The following B4GALT6 variants were observed in gnomAD, a reference collection of about 807,000 sequenced individuals.
B4GALT6 encodes beta-1,4-galactosyltransferase 6.
A neutral mutation model predicts 46.3 loss-of-function variants in B4GALT6; 14 were observed. The observed-to-expected ratio is 0.30, with a 90% CI of 0.20 to 0.47. The LOEUF (loss-of-function observed/expected upper bound fraction) is 0.47. Ranked by LOEUF, B4GALT6 falls within the 20% of genes least tolerant of loss-of-function variation. The pLI is 0.99. For missense variants in B4GALT6, 386 were observed against 480.1 expected, an observed-to-expected ratio of 0.80 and a Z score of 1.83; for synonymous variants, 168 against 162.0, an observed-to-expected ratio of 1.04 and a Z score of -0.28.
chr18:31,683,745 A>C (rs1567986765), intron 1 of B4GALT6, among the ~76,000 whole-genome samples: 3 of 152,174 alleles, frequency 2.0e-5, no homozygotes, highest in Non-Finnish European at 4.4e-5. Context: ...GCAGACTAAA[A>C]TAATGGAGCA....
At chr18:31,712,287 A>ACTTTTTT in the B4GALT6 span, among the ~76,000 whole-genome samples, 199 of 84,638 alleles carry the variant, frequency 2.4e-3, 20 homozygotes, top group African/African-American at 9.8e-3. Context: ...CTGGGACGTT[A>ACTTTTTT]TTTTTTTTTT....
In B4GALT6 at chr18:31,625,375, G is replaced by T; in HGVS notation, c.*239C>A. The T allele has an allele frequency of 2.5e-6, 1 of 403,340 alleles. No homozygotes were observed. Among genetic ancestry groups the T allele is most frequent in the Non-Finnish European group, 4.3e-6 (1 of 230,310 alleles). 25.0% of individuals were successfully genotyped at this position (403,340 alleles called of 1,614,324 possible). ...TTCGGAGGGAGCTCTCTTAACTTCC[G>T]ATCTTAAGTAGTGGCTTCCCGTTTC... On this transcript the variant is annotated 3_prime_UTR_variant, in exon 9 of 9. Transcript: ENST00000306851.
intron 1 of B4GALT6, among the ~76,000 whole-genome samples, chr18:31,673,298 C>T (rs76247464): frequency 0.043 from 6,498 of 151,814 alleles, 162 homozygotes; most frequent in East Asian, 0.1. Flanking sequence ...AGTGAAAGGA[C>T]GAGAAGTCAT....
At chr18:31,692,380 C>A in the B4GALT6 span, among the ~76,000 whole-genome samples, 1 of 152,116 alleles carries the variant, frequency 6.6e-6, no homozygotes, top group African/African-American at 2.4e-5. Context: ...TATAGTCAAC[C>A]CGATTTTACT....
intron 3 of B4GALT6, among the ~76,000 whole-genome samples, chr18:31,653,818 T>A (rs1038231221): frequency 6.6e-6 from 1 of 152,188 alleles, no homozygotes; most frequent in Non-Finnish European, 1.5e-5. Context: ...ATGACCACGT[T>A]CAGTCTTGTC....
At chr18:31,688,548 G>A (rs2030008601), upstream of B4GALT6, among the ~76,000 whole-genome samples, 1 of 152,096 alleles carries the variant, frequency 6.6e-6, no homozygotes, top group Non-Finnish European at 1.5e-5. Flanking sequence ...TGTAGTGGTA[G>A]CAGCCCTACT....
the B4GALT6 span, among the ~76,000 whole-genome samples, chr18:31,701,685 A>C: frequency 2.6e-5 from 4 of 152,312 alleles, no homozygotes; most frequent in African/African-American, 9.6e-5. Flanking sequence ...GAAAGTGTGA[A>C]TCTTTCTATT....
chr18:31,630,403 A>G (rs2073771466), intron 6 of B4GALT6, among the ~76,000 whole-genome samples: 1 of 146,024 alleles, frequency 6.8e-6, no homozygotes, highest in South Asian at 2.2e-4. Flanking sequence ...CAATTAGAGA[A>G]GGAAAAGATT....
Position 31,664,169 on chromosome 18 carries a change from C to G in B4GALT6, c.232+2087G>C, listed in dbSNP as rs180734601. Among the ~76,000 whole-genome samples the G allele has an allele frequency of 9.6e-3, 521 of 54,500 alleles. 4 individuals are homozygous for G. Among genetic ancestry groups the G allele is most frequent in the African/African-American group, 0.028 (418 of 15,038 alleles). The allele number at this position is 54,500 out of a possible 152,430, so 35.8% of individuals were successfully genotyped here. A position where few individuals can be genotyped will look rare whatever the true frequency, so the allele number is the denominator to read the frequency against. ...TACTGACCCAAGTTCAAACAGCAGC[C>G]ATCTTAGACTATGAGTTAACCATGG... On this transcript the variant is annotated intron_variant, in intron 2 of 8. Transcript: ENST00000306851.
At chr18:31,700,435 T>TTGTG in the B4GALT6 span, among the ~76,000 whole-genome samples, 2,303 of 139,544 alleles carry the variant, frequency 0.017, 21 homozygotes, top group Middle Eastern at 0.029. Context: ...AATTGACTAT[T>TTGTG]TGTGTGTGTG....
At chr18:31,631,211 T>TTTTTC (rs1555634393) in intron 5 of B4GALT6, 65 bp from the exon 6 acceptor site, 37 of 1,467,444 alleles carry the variant, frequency 2.5e-5, no homozygotes, top group Non-Finnish European at 3.0e-5. Context: ...TTTTTTTTTT[T>TTTTTC]TTTTCTTTTT....
chr18:31,719,782 C>T, the B4GALT6 span, among the ~76,000 whole-genome samples: 4 of 151,960 alleles, frequency 2.6e-5, no homozygotes, highest in African/African-American at 7.2e-5. Flanking sequence ...TTTCTCTTGC[C>T]GTCCTCTGCT....
intron 4 of B4GALT6, among the ~76,000 whole-genome samples, chr18:31,640,343 C>T (rs1173921859): frequency 6.6e-6 from 1 of 151,956 alleles, no homozygotes; most frequent in Non-Finnish European, 1.5e-5. Flanking sequence ...TATCATCAAA[C>T]GAAAATAATA....
chr18:31,670,057 C>CT (rs534836152), intron 1 of B4GALT6, among the ~76,000 whole-genome samples: 329 of 143,884 alleles, frequency 2.3e-3, no homozygotes, highest in African/African-American at 3.6e-3. Context: ...AAATGATGAT[C>CT]TTTTTTTTTT....
intron 2 of B4GALT6, among the ~76,000 whole-genome samples, chr18:31,663,249 G>A (rs2074241405): frequency 6.6e-6 from 1 of 152,196 alleles, no homozygotes; most frequent in African/African-American, 2.4e-5. Flanking sequence ...GTTAGAAACC[G>A]ATGAGAGTCC....
chr18:31,630,243 T>A (rs1306699215), intron 6 of B4GALT6, among the ~76,000 whole-genome samples: 1 of 152,088 alleles, frequency 6.6e-6, no homozygotes, highest in Non-Finnish European at 1.5e-5. Flanking sequence ...ACAGGCAACA[T>A]CTTCCTGCCC....
chr18:31,637,756 C>T (rs1187277881), intron 5 of B4GALT6, among the ~76,000 whole-genome samples: 1 of 152,156 alleles, frequency 6.6e-6, no homozygotes, highest in Non-Finnish European at 1.5e-5. Context: ...TAGTTAAATT[C>T]ATGGGTCATA....
the B4GALT6 span, among the ~76,000 whole-genome samples, chr18:31,712,543 TC>T: frequency 6.6e-6 from 1 of 152,132 alleles, no homozygotes; most frequent in Non-Finnish European, 1.5e-5. Flanking sequence ...CCTCAAGTAA[TC>T]TGCCTGCCTG....
the B4GALT6 span, among the ~76,000 whole-genome samples, chr18:31,704,296 C>T: frequency 4.0e-5 from 6 of 151,598 alleles, no homozygotes; most frequent in Admixed American, 1.3e-4. Context: ...GCAACCTCCA[C>T]CTCCCAGGTT....
Sources: gnomAD v4.1 joint callset for allele counts (sites outside exome capture counted in the v4.1 genomes callset) on GRCh38, gnomAD v4.1.1 for gene constraint, MANE v1.5 for transcripts, NCBI Gene and HGNC (gene_info 2026-07-23, HGNC 2026-07-21) for gene names.